Variants in HTR1F observed in about 807,000 individuals in gnomAD.
HTR1F encodes the protein 5-hydroxytryptamine (serotonin) receptor 1F, G protein-coupled.
A neutral mutation model predicts 24.0 loss-of-function variants in HTR1F; 17 were observed. The ratio of observed to expected loss-of-function variants is 0.71; its 90% CI spans 0.48 to 1.06. The LOEUF is 1.06. Among genes scored for constraint, HTR1F ranks in the 50% least tolerant of loss-of-function variants. HTR1F has a pLI of 0.00. For synonymous variants in HTR1F, 186 were observed against 156.8 expected (o/e 1.19, Z -1.39); for missense variants, 391 against 427.8 (o/e 0.91, Z 0.76).
chr3:87,958,590 G>A (rs189851345), intron 2 of HTR1F, among the ~76,000 whole-genome samples: 76 of 151,634 alleles, frequency 5.0e-4, no homozygotes, highest in Non-Finnish European at 1.0e-3. Context: ...AGCCCTACAA[G>A]GATATTAAAA....
intron 2 of HTR1F, among the ~76,000 whole-genome samples, chr3:87,848,666 T>A (rs1705004889): frequency 6.6e-6 from 1 of 151,830 alleles, no homozygotes; most frequent in Non-Finnish European, 1.5e-5. Context: ...GAAGTCAAAT[T>A]GTCCCTGTTT....
intron 2 of HTR1F, among the ~76,000 whole-genome samples, chr3:87,924,097 G>C (rs1704071381): frequency 6.6e-6 from 1 of 151,944 alleles, no homozygotes; most frequent in African/African-American, 2.4e-5. Flanking sequence ...ATTTTGGTAG[G>C]ATTCAGCAAT....
chr3:87,896,174 T>C (rs1012999303), intron 2 of HTR1F, among the ~76,000 whole-genome samples: 1 of 152,128 alleles, frequency 6.6e-6, no homozygotes, highest in African/African-American at 2.4e-5. Context: ...CTCTGACTAT[T>C]TACCAGCCAA....
chr3:87,957,894 T>G (rs1289394813), intron 2 of HTR1F, among the ~76,000 whole-genome samples: 2 of 151,404 alleles, frequency 1.3e-5, no homozygotes, highest in African/African-American at 4.8e-5. Flanking sequence ...TGTCTGTTTT[T>G]TATGTCTTTG....
intron 1 of HTR1F, among the ~76,000 whole-genome samples, chr3:87,807,156 C>A (rs1704087007): frequency 6.6e-6 from 1 of 151,904 alleles, no homozygotes; most frequent in Non-Finnish European, 1.5e-5. Flanking sequence ...TTTTCTATTT[C>A]TGTAAAAAAT....
chr3:87,878,742 CA>C (rs1299583254), intron 2 of HTR1F, among the ~76,000 whole-genome samples: 1 of 151,812 alleles, frequency 6.6e-6, no homozygotes. Flanking sequence ...AAAATAAAAA[CA>C]AAAAAACTAT....
chr3:87,937,969 G>A (rs559153722), intron 2 of HTR1F, among the ~76,000 whole-genome samples: 1 of 151,372 alleles, frequency 6.6e-6, no homozygotes, highest in South Asian at 2.1e-4. Context: ...GAAATAGAAG[G>A]CATCAAATAG....
Position 87,991,659 on chromosome 3 carries a change from A to G in HTR1F, c.910A>G (p.Ile304Val), listed in dbSNP as rs757005164. 14 of 1,613,356 alleles carry G rather than the reference A, an allele frequency of 8.7e-6. No homozygotes were observed. Among genetic ancestry groups the G allele is most frequent in the Non-Finnish European group, 1.2e-5 (14 of 1,179,694 alleles). The change falls in exon 3 of 3, where the codon ATA (isoleucine) becomes GTA (valine). Residue 304 changes from isoleucine to valine, a missense_variant. Coordinates refer to ENST00000319595, the MANE Select transcript of HTR1F (RefSeq NM_001322209.2). ...GGGATTAATCTTGGGTGCATTTGTA[A>G]TATGTTGGCTTCCTTTTTTTGTAAA... ...TLGLILGAFVICWLPFFVKEL... is the reference protein window; with the variant it reads ...TLGLILGAFVVCWLPFFVKEL...
intron 2 of HTR1F, among the ~76,000 whole-genome samples, chr3:87,946,734 T>C (rs1468630951): frequency 2.0e-5 from 3 of 151,870 alleles, no homozygotes; most frequent in Non-Finnish European, 4.4e-5. Flanking sequence ...CAAGCTATTC[T>C]CCTGCCTCAG....
intron 2 of HTR1F, among the ~76,000 whole-genome samples, chr3:87,966,856 A>G (rs2107488642): frequency 6.6e-6 from 1 of 152,222 alleles, no homozygotes; most frequent in East Asian, 1.9e-4. Context: ...ATATAATCCA[A>G]CAATGTTCCT....
chr3:87,953,240 G>A (rs1704872489), intron 2 of HTR1F, among the ~76,000 whole-genome samples: 1 of 151,302 alleles, frequency 6.6e-6, no homozygotes, highest in African/African-American at 2.4e-5. Context: ...GCACAGCAAA[G>A]AAAACAATCA....
chr3:87,984,123 ACTGCTGATTT>A (rs1460947565), intron 2 of HTR1F, among the ~76,000 whole-genome samples: 1 of 152,164 alleles, frequency 6.6e-6, no homozygotes, highest in Non-Finnish European at 1.5e-5. Context: ...AGCACATCAG[ACTGCTGATTT>A]CACATGTCTG....
intron 2 of HTR1F, among the ~76,000 whole-genome samples, chr3:87,891,349 A>G (rs1009364541): frequency 2.0e-5 from 3 of 152,238 alleles, no homozygotes; most frequent in Non-Finnish European, 2.9e-5. Context: ...CTTAATTGAC[A>G]TAAAGTTGAC....
At chr3:87,902,632 T>A (rs1706352103) in intron 2 of HTR1F, among the ~76,000 whole-genome samples, 1 of 151,924 alleles carries the variant, frequency 6.6e-6, no homozygotes, top group Non-Finnish European at 1.5e-5. Context: ...AGTTTTAGGG[T>A]ACATGTGCAC....
intron 2 of HTR1F, among the ~76,000 whole-genome samples, chr3:87,965,642 T>G (rs185550378): frequency 6.6e-6 from 1 of 152,120 alleles, no homozygotes; most frequent in Non-Finnish European, 1.5e-5. Context: ...GGATAATAAC[T>G]GGCGACACAC....
At chr3:87,919,962 C>A (rs1703975673) in intron 2 of HTR1F, among the ~76,000 whole-genome samples, 1 of 150,522 alleles carries the variant, frequency 6.6e-6, no homozygotes, top group Non-Finnish European at 1.5e-5. Context: ...TAATGTGGAG[C>A]CAACCCAAAT....
chr3:87,879,944 T>C (rs759458066), intron 2 of HTR1F, among the ~76,000 whole-genome samples: 33 of 152,278 alleles, frequency 2.2e-4, no homozygotes, highest in South Asian at 6.2e-4. Context: ...GATTCTAATA[T>C]ATTTCCTCCT....
intron 2 of HTR1F, among the ~76,000 whole-genome samples, chr3:87,891,468 A>G (rs1706085046): frequency 6.6e-6 from 1 of 152,172 alleles, no homozygotes; most frequent in South Asian, 2.1e-4. Flanking sequence ...TCCCTCAAGC[A>G]TTTCAAAAAC....
chr3:87,849,851 GA>G (rs1482325342), intron 2 of HTR1F, among the ~76,000 whole-genome samples: 1 of 151,908 alleles, frequency 6.6e-6, no homozygotes, highest in Non-Finnish European at 1.5e-5. Context: ...AAAGACAGAT[GA>G]AAAAATGCTC....
Sources: allele counts gnomAD v4.1 joint callset (sites outside exome capture counted in the v4.1 genomes callset), GRCh38; gene constraint gnomAD v4.1.1; transcripts MANE v1.5; gene names NCBI Gene and HGNC (gene_info 2026-07-23, HGNC 2026-07-21).